Variants in MPDZ observed in about 807,000 individuals in gnomAD.
MPDZ encodes the protein multiple PDZ domain crumbs cell polarity complex component.
A neutral mutation model predicts 239.1 loss-of-function variants in MPDZ; 234 were observed. The ratio of observed to expected loss-of-function variants is 0.98; its 90% CI spans 0.88 to 1.09. MPDZ has a LOEUF of 1.09. MPDZ is among the 50% of genes least tolerant of loss of function. The pLI is 0.00. For synonymous variants in MPDZ, 1,048 were observed against 881.3 expected (o/e 1.19, Z -3.35); for missense variants, 3,175 against 2,510.0 (o/e 1.26, Z -5.66).
intron 38 of MPDZ, among the ~76,000 whole-genome samples, chr9:13,120,804 T>C (rs1944229863): frequency 6.6e-6 from 1 of 152,194 alleles, no homozygotes; most frequent in Non-Finnish European, 1.5e-5. Context: ...TTCACAGATT[T>C]CTGACTCACT....
At chr9:13,257,238 G>C (rs1484522482) in intron 1 of MPDZ, among the ~76,000 whole-genome samples, 1 of 152,186 alleles carries the variant, frequency 6.6e-6, no homozygotes, top group Non-Finnish European at 1.5e-5. Context: ...TGCTAGGCAA[G>C]TGCAGTTTAT....
At chr9:13,158,181 T>C in intron 23 of MPDZ, 71 bp from the exon 24 acceptor site, 2 of 1,169,376 alleles carry the variant, frequency 1.7e-6, no homozygotes, top group Non-Finnish European at 1.2e-6. Flanking sequence ...TGTACTCTAC[T>C]ATTGATTTAG....
At chr9:13,161,535 C>T (rs890392477) in intron 23 of MPDZ, among the ~76,000 whole-genome samples, 5 of 151,990 alleles carry the variant, frequency 3.3e-5, no homozygotes, top group African/African-American at 1.2e-4. Context: ...CGCACCATTG[C>T]ACTGCACTGC....
At chr9:13,226,171 C>G (rs925053655) in intron 3 of MPDZ, among the ~76,000 whole-genome samples, 8 of 151,976 alleles carry the variant, frequency 5.3e-5, no homozygotes, top group African/African-American at 1.9e-4. Context: ...AGGACTGTGC[C>G]CTCAAATCGT....
intron 3 of MPDZ, among the ~76,000 whole-genome samples, chr9:13,242,635 T>G (rs1383254434): frequency 6.7e-6 from 1 of 149,630 alleles, no homozygotes; most frequent in Non-Finnish European, 1.5e-5. Flanking sequence ...AGAACAAAGG[T>G]GATTAACCAA....
intron 29 of MPDZ, 147 bp downstream of exon 29, chr9:13,137,810 G>T: frequency 1.2e-6 from 1 of 805,548 alleles, no homozygotes; most frequent in Non-Finnish European, 1.9e-6. Context: ...ATTTGGTTTA[G>T]AGCCAGATTT....
intron 1 of MPDZ, among the ~76,000 whole-genome samples, chr9:13,268,810 A>AAT (rs1972351370): frequency 6.6e-6 from 1 of 152,212 alleles, no homozygotes; most frequent in African/African-American, 2.4e-5. Context: ...AGGAGCTAGG[A>AAT]AGGTAATGTT....
intron 3 of MPDZ, among the ~76,000 whole-genome samples, chr9:13,244,360 G>A (rs1450486571): frequency 6.6e-6 from 1 of 152,182 alleles, no homozygotes; most frequent in African/African-American, 2.4e-5. Context: ...TAGCAGTGAT[G>A]ACTAGGTGAC....
chr9:13,120,740 A>G (rs1030775594), intron 38 of MPDZ: 1 of 152,216 alleles, frequency 6.6e-6, no homozygotes, highest in African/African-American at 2.4e-5. Flanking sequence ...TGGTTTGGCA[A>G]TTCTGAAGAA....
chr9:13,272,280 C>T (rs556573038), intron 1 of MPDZ, among the ~76,000 whole-genome samples: 1 of 152,196 alleles, frequency 6.6e-6, no homozygotes, highest in African/African-American at 2.4e-5. Flanking sequence ...CACTGAACAT[C>T]TTAATGAAGC....
intron 27 of MPDZ, among the ~76,000 whole-genome samples, chr9:13,142,561 T>C (rs984156557): frequency 6.6e-6 from 1 of 152,064 alleles, no homozygotes; most frequent in Non-Finnish European, 1.5e-5. Context: ...TATGTATACA[T>C]CAAGTACAGC....
In MPDZ at chr9:13,216,881, T is replaced by A; in HGVS notation, c.1202-19A>T. 1 of 1,576,244 alleles carries A rather than the reference T, an allele frequency of 6.3e-7. No homozygotes were observed. Among genetic ancestry groups the A allele is most frequent in the South Asian group, 1.1e-5 (1 of 88,738 alleles). On this transcript the variant is annotated intron_variant, in intron 9 of 46. Coordinates refer to ENST00000319217, the MANE Select transcript of MPDZ (RefSeq NM_001378778.1). Reference sequence around the variant, plus strand: ...GAAGGTTCTAAGATTAGAAATAGTTTATTTTTCACAATTTTCAAAGCACAT... The same window carrying A: ...GAAGGTTCTAAGATTAGAAATAGTTAATTTTTCACAATTTTCAAAGCACAT...
chr9:13,188,652 G>T, intron 17 of MPDZ, 132 bp downstream of exon 17: 1 of 632,578 alleles, frequency 1.6e-6, no homozygotes, highest in Non-Finnish European at 2.7e-6. Context: ...TATACGAATG[G>T]AGCTAGTAAT....
chr9:13,216,912 G>A (rs759621721), intron 9 of MPDZ, 50 bp from the exon 10 acceptor site: 2 of 1,396,962 alleles, frequency 1.4e-6, no homozygotes, highest in African/African-American at 2.8e-5. Context: ...CACATTCAAA[G>A]AATATCCATC....
chr9:13,247,510 G>C, intron 3 of MPDZ, 125 bp downstream of exon 3: 2 of 973,090 alleles, frequency 2.1e-6, no homozygotes, highest in East Asian at 2.7e-5. Flanking sequence ...GTCTCATTTG[G>C]AGGTTTAAAT....
At chr9:13,171,562 A>T (rs1291454542) in intron 21 of MPDZ, among the ~76,000 whole-genome samples, 1 of 152,154 alleles carries the variant, frequency 6.6e-6, no homozygotes, top group Admixed American at 6.5e-5. Context: ...TTTACCTTCA[A>T]GTCCAAACAC....
intron 1 of MPDZ, among the ~76,000 whole-genome samples, chr9:13,251,141 A>AG (rs1967885269): frequency 1.3e-5 from 2 of 150,422 alleles, no homozygotes; most frequent in African/African-American, 4.9e-5. Context: ...AAAAAAAAAA[A>AG]AAAAAAAAAA....
chr9:13,262,471 TAA>T, intron 1 of MPDZ, among the ~76,000 whole-genome samples: 1 of 151,834 alleles, frequency 6.6e-6, no homozygotes, highest in Admixed American at 6.6e-5. Flanking sequence ...TAATAAAAAT[TAA>T]AAAGAGTTCT....
chr9:13,162,569 A>C (rs1255194867), intron 23 of MPDZ, 122 bp downstream of exon 23: 2 of 444,154 alleles, frequency 4.5e-6, no homozygotes, highest in Non-Finnish European at 7.7e-6. Context: ...ATATTTTTTA[A>C]AATCTTGAAA....
Sources: allele counts gnomAD v4.1 joint callset (sites outside exome capture counted in the v4.1 genomes callset), GRCh38; gene constraint gnomAD v4.1.1; transcripts MANE v1.5; gene names NCBI Gene and HGNC (gene_info 2026-07-23, HGNC 2026-07-21).